GRM1: variants seen among roughly 807,000 people sequenced by gnomAD.
GRM1 encodes glutamate metabotropic receptor 1, also known as metabotropic glutamate receptor 1.
A neutral mutation model predicts 90.9 loss-of-function variants in GRM1; 33 were observed. That is an observed-to-expected ratio of 0.36 (90% CI 0.28 to 0.49). The LOEUF (loss-of-function observed/expected upper bound fraction) is 0.49. Ranked by LOEUF, GRM1 falls within the 20% of genes least tolerant of loss-of-function variation. The pLI is 0.99. For synonymous variants in GRM1, 700 were observed against 613.2 expected (o/e 1.14, Z -2.09); for missense variants, 1,190 against 1,534.3 (o/e 0.78, Z 3.75).
chr6:146,307,275 A>G (rs1266634048), intron 3 of GRM1, among the ~76,000 whole-genome samples: 3 of 152,200 alleles, frequency 2.0e-5, no homozygotes, highest in Non-Finnish European at 4.4e-5. Context: ...TTTATGAAAC[A>G]TGTTTATATT....
At chr6:146,043,802 T>TATATATATATATAG (rs1554260536) in intron 1 of GRM1, among the ~76,000 whole-genome samples, 2 of 142,892 alleles carry the variant, frequency 1.4e-5, no homozygotes, top group Admixed American at 6.9e-5. Context: ...TATATATATA[T>TATATATATATATAG]ATATATATAA....
chr6:146,080,429 G>A (rs1483743687), intron 1 of GRM1, among the ~76,000 whole-genome samples: 1 of 152,104 alleles, frequency 6.6e-6, no homozygotes, highest in Admixed American at 6.5e-5. Context: ...CTAGGTCCTG[G>A]GGAGACAGGA....
intron 1 of GRM1, among the ~76,000 whole-genome samples, chr6:146,040,397 G>A (rs1315150713): frequency 1.3e-5 from 2 of 151,970 alleles, no homozygotes; most frequent in African/African-American, 2.4e-5. Context: ...TTGCATGTTA[G>A]TGTCCTTTTC....
chr6:146,369,445 G>A (rs1387585669), intron 5 of GRM1, among the ~76,000 whole-genome samples: 1 of 151,786 alleles, frequency 6.6e-6, no homozygotes, highest in Admixed American at 6.6e-5. Flanking sequence ...CCTTTTTGAT[G>A]TAGGTATTTA....
chr6:146,069,213 T>A (rs1775949604), intron 1 of GRM1, among the ~76,000 whole-genome samples: 1 of 152,182 alleles, frequency 6.6e-6, no homozygotes, highest in African/African-American at 2.4e-5. Flanking sequence ...CTGTGATCAC[T>A]TATATTTGGG....
At chr6:146,264,881 G>A (rs1426454591) in intron 2 of GRM1, among the ~76,000 whole-genome samples, 1 of 152,008 alleles carries the variant, frequency 6.6e-6, no homozygotes, top group Non-Finnish European at 1.5e-5. Context: ...CTTTTTTATG[G>A]CTGCATAATA....
chr6:146,152,163 C>A (rs1419757054), intron 1 of GRM1, among the ~76,000 whole-genome samples: 2 of 152,042 alleles, frequency 1.3e-5, no homozygotes, highest in African/African-American at 4.8e-5. Flanking sequence ...ATGCCAGAGG[C>A]CTCACTAAAG....
At chr6:146,127,527 T>C (rs1776241349) in intron 1 of GRM1, among the ~76,000 whole-genome samples, 1 of 152,158 alleles carries the variant, frequency 6.6e-6, no homozygotes, top group Non-Finnish European at 1.5e-5. Flanking sequence ...GAGGTCCACT[T>C]GGGCTCAAAG....
intron 2 of GRM1, among the ~76,000 whole-genome samples, chr6:146,256,519 G>T (rs1036977252): frequency 3.9e-5 from 6 of 151,996 alleles, no homozygotes; most frequent in Non-Finnish European, 8.8e-5. Context: ...CCGAAATTTT[G>T]TAGAGGACAC....
chr6:146,400,899 T>C (rs983667579), intron 7 of GRM1, among the ~76,000 whole-genome samples: 10 of 152,130 alleles, frequency 6.6e-5, no homozygotes, highest in South Asian at 4.1e-4. Flanking sequence ...CTGCTGTAAA[T>C]TTTTATAACT....
intron 2 of GRM1, among the ~76,000 whole-genome samples, chr6:146,193,344 A>G (rs1254982117): frequency 1.3e-5 from 2 of 152,178 alleles, no homozygotes; most frequent in African/African-American, 2.4e-5. Flanking sequence ...GATGTTGTCC[A>G]AGGACTGAAC....
chr6:146,195,032 T>C (rs1357209968), intron 2 of GRM1, among the ~76,000 whole-genome samples: 1 of 152,206 alleles, frequency 6.6e-6, no homozygotes, highest in Non-Finnish European at 1.5e-5. Context: ...TTGTAATCAC[T>C]CCATAAATGT....
intron 5 of GRM1, among the ~76,000 whole-genome samples, chr6:146,371,795 C>G (rs997641724): frequency 1.3e-5 from 2 of 152,078 alleles, no homozygotes; most frequent in African/African-American, 4.8e-5. Flanking sequence ...ATGACTGGAT[C>G]TCATTCTTTT....
rs745610898 is a variant in GRM1 at position 146,298,339 on chromosome 6, A to G, written c.951-6272A>G. Among the ~76,000 whole-genome samples the G allele has an allele frequency of 1.0e-3, 157 of 152,050 alleles. 5 individuals are homozygous for G. The highest frequency in any genetic ancestry group is 2.5e-4 in the Non-Finnish European group (17 of 68,006). On this transcript the variant is annotated intron_variant, in intron 2 of 7. Coordinates refer to ENST00000282753, the MANE Select transcript of GRM1 (RefSeq NM_001278064.2). ...AGTCACCTGTCTGAAGCAGAGCCCTACTCAACTCCAGGGCTGCTTTAGAAT... is the reference window on the plus strand; with the variant it reads ...AGTCACCTGTCTGAAGCAGAGCCCTGCTCAACTCCAGGGCTGCTTTAGAAT...
intron 2 of GRM1, among the ~76,000 whole-genome samples, chr6:146,266,873 A>T (rs558075883): frequency 6.6e-6 from 1 of 152,112 alleles, no homozygotes; most frequent in Admixed American, 6.5e-5. Context: ...CCATAACAGG[A>T]TTTGTTTTTA....
At chr6:146,061,333 T>G (rs1775660030) in intron 1 of GRM1, among the ~76,000 whole-genome samples, 1 of 152,170 alleles carries the variant, frequency 6.6e-6, no homozygotes, top group Non-Finnish European at 1.5e-5. Flanking sequence ...ACTTGTTCTA[T>G]GCAGGACTGC....
intron 2 of GRM1, among the ~76,000 whole-genome samples, chr6:146,220,768 G>A (rs2056996): frequency 0.21 from 31,332 of 152,050 alleles, 7,097 homozygotes; most frequent in African/African-American, 0.57. Context: ...CAAGGAGTGA[G>A]AGCGCACATC....
Position 146,154,931 on chromosome 6 carries a change from T to C in GRM1, c.701-4417T>C, listed in dbSNP as rs184545067. On this transcript the variant is annotated intron_variant, in intron 1 of 7. Transcript: ENST00000282753. ...ATGTTTCATTTTAAAGGTACTCTAT[T>C]GATAGCAAATACTGTTCAGTGATTT... Among the ~76,000 whole-genome samples the C allele has an allele frequency of 5.3e-5, 8 of 152,348 alleles. No individual in the cohort carries two copies. In the East Asian group the frequency reaches 1.5e-3, roughly 29 times the overall value.
intron 2 of GRM1, among the ~76,000 whole-genome samples, chr6:146,227,407 A>G (rs1384031456): frequency 2.6e-5 from 4 of 152,178 alleles, no homozygotes; most frequent in African/African-American, 4.8e-5. Flanking sequence ...CTTGGTATAC[A>G]ATCTATGTGT....
Sources: allele counts gnomAD v4.1 joint callset (sites outside exome capture counted in the v4.1 genomes callset), GRCh38; gene constraint gnomAD v4.1.1; transcripts MANE v1.5; gene names NCBI Gene and HGNC (gene_info 2026-07-23, HGNC 2026-07-21).